The following ATP10B variants were observed in gnomAD, a reference collection of about 807,000 sequenced individuals.
ATP10B encodes phospholipid-transporting ATPase VB.
ATP10B carries 122 observed loss-of-function variants against 141.2 expected under a neutral mutation model. The observed-to-expected ratio is 0.86, with a 90% CI of 0.75 to 1.00. The LOEUF (loss-of-function observed/expected upper bound fraction) is 1.00, where lower values mean the gene tolerates loss of function less well. Ranked by LOEUF, ATP10B falls within the 50% of genes least tolerant of loss-of-function variation. ATP10B has a pLI of 0.00. For synonymous variants in ATP10B, 685 were observed against 692.0 expected (o/e 0.99, Z 0.16); for missense variants, 1,876 against 1,825.3 (o/e 1.03, Z -0.51).
At chr5:160,668,686 T>G (rs1762474104) in intron 7 of ATP10B, among the ~76,000 whole-genome samples, 1 of 152,230 alleles carries the variant, frequency 6.6e-6, no homozygotes, top group Non-Finnish European at 1.5e-5. Flanking sequence ...TTTCCAGTGG[T>G]GGCAACTGCA....
chr5:160,688,685 G>C (rs1412315619), intron 4 of ATP10B, 75 bp downstream of exon 4: 6 of 831,644 alleles, frequency 7.2e-6, no homozygotes. Flanking sequence ...TAAAACAAAG[G>C]AAAAGGTACC....
chr5:160,667,209 C>T (rs1381358841), intron 7 of ATP10B, among the ~76,000 whole-genome samples: 1 of 152,062 alleles, frequency 6.6e-6, no homozygotes, highest in Non-Finnish European at 1.5e-5. Context: ...CAGAGCAAGA[C>T]TCTGTCTCAA....
At chr5:160,700,835 C>T (rs577231840) in intron 3 of ATP10B, among the ~76,000 whole-genome samples, 2 of 152,334 alleles carry the variant, frequency 1.3e-5, no homozygotes, top group East Asian at 1.9e-4. Flanking sequence ...ACGTCAATCT[C>T]AGTTTGCCTC....
At chr5:160,807,904 C>A (rs1284604396) in intron 1 of ATP10B, among the ~76,000 whole-genome samples, 2 of 152,182 alleles carry the variant, frequency 1.3e-5, no homozygotes, top group Non-Finnish European at 2.9e-5. Flanking sequence ...CTGACTTCTA[C>A]CTTTCTCAGT....
intron 1 of ATP10B, among the ~76,000 whole-genome samples, chr5:160,801,959 T>A (rs998823060): frequency 2.0e-5 from 3 of 152,090 alleles, no homozygotes; most frequent in African/African-American, 4.8e-5. Context: ...TCCCAAGAAA[T>A]ATTTATCGGA....
intron 12 of ATP10B, chr5:160,632,700 C>T (rs527649997): frequency 5.5e-4 from 106 of 191,692 alleles, no homozygotes; most frequent in Non-Finnish European, 8.0e-4. Flanking sequence ...GTTAAAATAA[C>T]TAGCATACTC....
intron 1 of ATP10B, among the ~76,000 whole-genome samples, chr5:160,811,166 C>T (rs1464458481): frequency 6.6e-6 from 1 of 152,058 alleles, no homozygotes; most frequent in South Asian, 2.1e-4. Flanking sequence ...CATGAATAAC[C>T]AGTAGCAATA....
At chr5:160,873,271 A>G in the ATP10B span, among the ~76,000 whole-genome samples, 1 of 152,174 alleles carries the variant, frequency 6.6e-6, no homozygotes. Flanking sequence ...GAATATCCAC[A>G]AAAACCTATG....
intron 2 of ATP10B, among the ~76,000 whole-genome samples, chr5:160,783,812 T>C (rs1770936358): frequency 6.6e-6 from 1 of 152,066 alleles, no homozygotes; most frequent in Non-Finnish European, 1.5e-5. Flanking sequence ...ATCTCCACAC[T>C]GTTTTCCATA....
chr5:160,808,722 A>T (rs1772949487), intron 1 of ATP10B, among the ~76,000 whole-genome samples: 1 of 152,164 alleles, frequency 6.6e-6, no homozygotes, highest in South Asian at 2.1e-4. Flanking sequence ...ATCTAGGCAG[A>T]TCCTCCATTG....
rs73819427 is a variant in ATP10B at position 160,572,339 on chromosome 5, C to T, written c.3751-2656G>A. Among the ~76,000 whole-genome samples, 1,111 of 152,196 alleles carry T rather than the reference C, an allele frequency of 7.3e-3. 13 individuals are homozygous for T. Among genetic ancestry groups the T allele is most frequent in the African/African-American group, 0.024 (1,007 of 41,532 alleles). ...AATGGGGACTGAAACTGTCAAAGCTCTTAAAATTCTTGTTATATTTCTATC... is the reference window on the plus strand; with the variant it reads ...AATGGGGACTGAAACTGTCAAAGCTTTTAAAATTCTTGTTATATTTCTATC... On this transcript the variant is annotated intron_variant, in intron 24 of 25. Coordinates refer to ENST00000327245, the MANE Select transcript of ATP10B (RefSeq NM_025153.3).
chr5:160,795,749 C>T (rs558519252), intron 1 of ATP10B, among the ~76,000 whole-genome samples: 3 of 152,020 alleles, frequency 2.0e-5, no homozygotes, highest in Non-Finnish European at 4.4e-5. Flanking sequence ...ACCACAGAAA[C>T]AGAGACTGAT....
chr5:160,906,772 G>A, the ATP10B span, among the ~76,000 whole-genome samples: 5 of 152,160 alleles, frequency 3.3e-5, no homozygotes, highest in African/African-American at 7.2e-5. Context: ...TGCTCGACAT[G>A]GAGTTGTCAT....
intron 2 of ATP10B, among the ~76,000 whole-genome samples, chr5:160,743,083 T>C (rs1767585403): frequency 6.6e-6 from 1 of 152,236 alleles, no homozygotes; most frequent in African/African-American, 2.4e-5. Context: ...ATACACAGTA[T>C]TTTATTAAAT....
chr5:160,649,621 G>C (rs1159319737), intron 7 of ATP10B, among the ~76,000 whole-genome samples: 1 of 152,200 alleles, frequency 6.6e-6, no homozygotes, highest in Non-Finnish European at 1.5e-5. Context: ...AGCATTTGAA[G>C]TGTGGTAGTT....
chr5:160,643,951 A>G (rs895687249), intron 9 of ATP10B, among the ~76,000 whole-genome samples, 187 bp downstream of exon 9: 3 of 152,202 alleles, frequency 2.0e-5, no homozygotes, highest in African/African-American at 7.2e-5. Flanking sequence ...GAATCTCATC[A>G]TGTCTCCTGT....
chr5:160,574,373 C>T (rs1755060680), intron 24 of ATP10B, among the ~76,000 whole-genome samples: 1 of 152,150 alleles, frequency 6.6e-6, no homozygotes, highest in African/African-American at 2.4e-5. Context: ...GCGGAGGTTG[C>T]AGTGAGCCCA....
intron 3 of ATP10B, among the ~76,000 whole-genome samples, chr5:160,709,759 C>CTG: frequency 8.9e-6 from 1 of 112,676 alleles, no homozygotes; most frequent in African/African-American, 3.4e-5. Context: ...TCCCTCCCCC[C>CTG]CTCCCCCGAC....
rs1561701182 is a variant in ATP10B, at chr5:160,652,879, A to ATATACATG, written c.676-3624_676-3623insCATGTATA. ...ATAAATTATATATAATATATATAAT[A>ATATACATG]TATATATAATTATATAATATATTAT... On this transcript the variant is annotated intron_variant, in intron 7 of 25. Transcript: ENST00000327245. Among the ~76,000 whole-genome samples, 46 of 85,906 alleles carry ATATACATG rather than the reference A, an allele frequency of 5.4e-4. 2 individuals carry two copies. The highest frequency in any genetic ancestry group is 6.3e-4 in the Non-Finnish European group (31 of 49,202). 56.4% of individuals were successfully genotyped at this position (85,906 alleles called of 152,430 possible).
Sources: allele counts gnomAD v4.1 joint callset (sites outside exome capture counted in the v4.1 genomes callset), GRCh38; gene constraint gnomAD v4.1.1; transcripts MANE v1.5; gene names NCBI Gene and HGNC (gene_info 2026-07-23, HGNC 2026-07-21).